PRXL2B: variants seen among roughly 807,000 people sequenced by gnomAD.
The protein encoded by PRXL2B is peroxiredoxin like 2B.
Under a neutral mutation model 24.4 loss-of-function variants are expected in PRXL2B, and 26 were observed. The observed-to-expected ratio is 1.07, with a 90% CI of 0.78 to 1.48. PRXL2B has a LOEUF of 1.48. Ranked by LOEUF, PRXL2B falls within the 40% of genes most tolerant of loss-of-function variation. The pLI, the probability that PRXL2B is intolerant of heterozygous loss-of-function variation, is 0.00. For missense variants in PRXL2B, 269 were observed against 264.8 expected, an observed-to-expected ratio of 1.02 and a Z score of -0.11; for synonymous variants, 115 against 118.9, an observed-to-expected ratio of 0.97 and a Z score of 0.21.
chr1:2,587,740 G>T lies in PRXL2B; in HGVS notation c.269-1G>T. ...ACACACATGTGGCTTCCGCTTTCCA[G>T]AGCTCTACCTGGATGAGAGCAAGCA... On this transcript the variant is annotated splice_acceptor_variant, in intron 2 of 6. Coordinates refer to ENST00000419916, the MANE Select transcript of PRXL2B (RefSeq NM_152371.5). LOFTEE classifies it high-confidence loss of function. This position sits in a 1 kb window ranked among gnomAD's most constrained non-coding sequence, Gnocchi z 6.1. The T allele has an allele frequency of 6.2e-7, 1 of 1,602,052 alleles. No homozygotes were observed. Among genetic ancestry groups the T allele is most frequent in the South Asian group, 1.1e-5 (1 of 88,814 alleles).
In PRXL2B at chr1:2,590,335, CCCT is replaced by C. The variant is rs1186347978; in HGVS notation, c.*913_*915del. 1 of 152,412 alleles carries C rather than the reference CCCT, an allele frequency of 6.6e-6. No homozygotes were observed. Among genetic ancestry groups the C allele is most frequent in the Non-Finnish European group, 1.5e-5 (1 of 68,072 alleles). The allele number at this position is 152,412 out of a possible 1,614,324, so 9.4% of individuals were successfully genotyped here. ...CCCACTGCGTCCCTTTGCGTTCAGC[CCCT>C]CCTCTGGCTTTCAGTTACACCAAGC... On this transcript the variant is annotated 3_prime_UTR_variant, in exon 7 of 7. Coordinates refer to ENST00000419916, the MANE Select transcript of PRXL2B (RefSeq NM_152371.5).
Position 2,588,996 on chromosome 1 carries a change from G to A in PRXL2B, c.535G>A (p.Val179Ile), listed in dbSNP as rs1475459013. 7.4e-6 allele frequency: 12 copies of A among 1,613,308 alleles called. No individual in the cohort carries two copies. Among genetic ancestry groups the A allele is most frequent in the Non-Finnish European group, 9.3e-6 (11 of 1,179,988 alleles). ...DYVPKEHILQ[V>I]LGISAEVCAS... The stretch of plus-strand genomic sequence containing the variant: ...CGTCCCCAAGGAGCACATCCTGCAG[G>A]TCCTGGGCATCTCTGCGGAGGTCTG... The change falls in exon 6 of 7, where the codon GTC (valine) becomes ATC (isoleucine). Residue 179 changes from valine to isoleucine, a missense_variant. Transcript: ENST00000419916.
At position 2,591,341 on chromosome 1, in the gene PRXL2B, G is replaced by C. The variant is rs1158101910; in HGVS notation, c.*1914G>C. On this transcript the variant is annotated 3_prime_UTR_variant, in exon 7 of 7. Coordinates refer to ENST00000419916, the MANE Select transcript of PRXL2B (RefSeq NM_152371.5). ...TCTCCTTCACACAGAAACATTCGCA[G>C]CCTGCGGTAGGCTCCCCCTTCCTAA... The C allele has an allele frequency of 3.3e-6, 2 of 599,708 alleles. No individual in the cohort carries two copies. The highest frequency in any genetic ancestry group is 2.8e-5 in the East Asian group (1 of 35,992). The allele number at this position is 599,708 out of a possible 1,614,324, so 37.1% of individuals were successfully genotyped here. A position where few individuals can be genotyped will look rare whatever the true frequency, so the allele number is the denominator to read the frequency against.
chr1:2,587,903 C>A lies in PRXL2B; in HGVS notation c.320+111C>A. The A allele has an allele frequency of 7.9e-7, 1 of 1,271,488 alleles. No individual in the cohort carries two copies. The highest frequency in any genetic ancestry group is 1.5e-5 in the African/African-American group (1 of 67,274). 78.8% of individuals were successfully genotyped at this position (1,271,488 alleles called of 1,614,324 possible). ...CCCTCTGTGGTGCTGTCCACTCGGGCCTTCCTGGGCAAGGCGGCTCTGGTG... is the reference window on the plus strand; with the variant it reads ...CCCTCTGTGGTGCTGTCCACTCGGGACTTCCTGGGCAAGGCGGCTCTGGTG... On this transcript the variant is annotated intron_variant, in intron 3 of 6. Transcript: ENST00000419916. This position sits in a 1 kb window ranked among gnomAD's most constrained non-coding sequence, Gnocchi z 6.1.
In PRXL2B at chr1:2,589,636, G is replaced by A. The variant is rs1002812143; in HGVS notation, c.*209G>A. On this transcript the variant is annotated 3_prime_UTR_variant, in exon 7 of 7. Transcript: ENST00000419916. ...GAGCCCTGCATCCTCCACAGCCCCC[G>A]CCTTGCTCACTGTTGGGCCCTCAGG... 6 of 669,588 alleles carry A rather than the reference G, an allele frequency of 9.0e-6. No homozygotes were observed. Among genetic ancestry groups the A allele is most frequent in the Non-Finnish European group, 1.5e-5 (6 of 394,486 alleles). The allele number at this position is 669,588 out of a possible 1,614,324, so 41.5% of individuals were successfully genotyped here.
Position 2,588,595 on chromosome 1 carries a change from C to G in PRXL2B, c.430C>G (p.Gln144Glu). The G allele has an allele frequency of 1.2e-6, 2 of 1,614,120 alleles. No homozygotes were observed. Among genetic ancestry groups the G allele is most frequent in the Non-Finnish European group, 1.7e-6 (2 of 1,180,006 alleles). The change falls in exon 5 of 7, where the codon CAG (glutamine) becomes GAG (glutamate). Residue 144 changes from glutamine to glutamate, a missense_variant. Transcript: ENST00000419916. ...IQGNLSGDLL[Q>E]SGGLLVVSKG... The stretch of plus-strand genomic sequence containing the variant: ...GGGGAACTTGTCTGGGGACCTGCTG[C>G]AGAGCGGAGGGCTGCTGGTGGTCAG...
At chr1:2,588,756 C>T (rs935415353) in intron 5 of PRXL2B, 131 bp downstream of exon 5, 24 of 1,225,266 alleles carry the variant, frequency 2.0e-5, no homozygotes, top group African/African-American at 1.5e-4. Flanking sequence ...CCTGGTTCTG[C>T]GTGTCTGCTG....
At chr1:2,586,624 A>C, upstream of PRXL2B, 1 of 794,986 alleles carries the variant, frequency 1.3e-6, no homozygotes, top group Non-Finnish European at 1.7e-6. Flanking sequence ...ACTAGGGGCG[A>C]ATCCGAGGGG....
At position 2,589,558 on chromosome 1, in the gene PRXL2B, G is replaced by C; in HGVS notation, c.*131G>C. Reference sequence around the variant, plus strand: ...CCGAACCTCTCCTGATCCGCCGGCAGCAACGAGCCATTAAAACTGCAGTTC... The same window carrying C: ...CCGAACCTCTCCTGATCCGCCGGCACCAACGAGCCATTAAAACTGCAGTTC... On this transcript the variant is annotated 3_prime_UTR_variant, in exon 7 of 7. Transcript: ENST00000419916. 1 of 1,318,340 alleles carries C rather than the reference G, an allele frequency of 7.6e-7. No homozygotes were observed. The highest frequency in any genetic ancestry group is 1.1e-6 in the Non-Finnish European group (1 of 947,760). The allele number at this position is 1,318,340 out of a possible 1,614,324, so 81.7% of individuals were successfully genotyped here.
At chr1:2,588,282 G>C in intron 3 of PRXL2B, 108 bp from the exon 4 acceptor site, 1 of 1,414,018 alleles carries the variant, frequency 7.1e-7, no homozygotes, top group South Asian at 1.2e-5. Flanking sequence ...CTGGTGAGGC[G>C]GGTGGGTGGG....
At position 2,588,928 on chromosome 1, in the gene PRXL2B, A is replaced by G. The variant is rs1644602042; in HGVS notation, c.467A>G (p.Asp156Gly). ...TGCCTGCCCGCTGCTACAGGTGGTG[A>G]TAAAGTGCTCCTGCATTTCGTCCAG... ...GGLLVVSKGG[D>G]KVLLHFVQKS... The change falls in exon 6 of 7, where the codon GAT becomes GGT. Residue 156 changes from aspartate (D) to glycine (G), a missense_variant. Asp to Gly is a moderately conservative substitution (Grantham distance 94). Transcript: ENST00000419916. The G allele has an allele frequency of 9.3e-6, 15 of 1,613,208 alleles. No individual in the cohort carries two copies. The highest frequency in any genetic ancestry group is 1.3e-5 in the Non-Finnish European group (15 of 1,179,956).
At chr1:2,586,710 G>A (rs1367742157), upstream of PRXL2B, 23 of 1,234,964 alleles carry the variant, frequency 1.9e-5, no homozygotes, top group Non-Finnish European at 2.2e-5. Context: ...GGCCCGGGGC[G>A]GAGACGAGCC....
intron 5 of PRXL2B, 96 bp from the exon 6 acceptor site, chr1:2,588,826 G>A: frequency 1.5e-6 from 2 of 1,318,188 alleles, no homozygotes; most frequent in East Asian, 2.3e-5. Context: ...GGGGGATATG[G>A]CTGGCCAGGG....
At position 2,588,611 on chromosome 1, in the gene PRXL2B, T is replaced by C; in HGVS notation, c.446T>C (p.Leu149Pro). ...GACCTGCTGCAGAGCGGAGGGCTGCTGGTGGTCAGCAAAGGTGGGTCGAGG... is the reference window on the plus strand; with the variant it reads ...GACCTGCTGCAGAGCGGAGGGCTGCCGGTGGTCAGCAAAGGTGGGTCGAGG... ...SGDLLQSGGL[L>P]VVSKGGDKVL... The change falls in exon 5 of 7, where the codon CTG (leucine) becomes CCG (proline). Residue 149 changes from leucine (L) to proline (P), a missense_variant. Transcript: ENST00000419916. 1.2e-6 allele frequency: 2 copies of C among 1,614,008 alleles called. No individual in the cohort carries two copies. The highest frequency in any genetic ancestry group is 8.5e-7 in the Non-Finnish European group (1 of 1,179,962).
In PRXL2B at chr1:2,586,895, G is replaced by T; in HGVS notation, c.10G>T (p.Val4Leu). 1 of 1,310,620 alleles carries T rather than the reference G, an allele frequency of 7.6e-7. No homozygotes were observed. 81.2% of individuals were successfully genotyped at this position (1,310,620 alleles called of 1,614,324 possible). The change falls in exon 1 of 7, where the codon GTG becomes TTG. Residue 4 changes from valine to leucine, a missense_variant. Physicochemically the swap from Val to Leu is conservative, Grantham distance 32. Transcript: ENST00000419916. Reference protein sequence around the residue: MSTVDLARVGACIL... With the variant: MSTLDLARVGACIL... ...GCTGGCAGCGGCCGCCATGAGCACG[G>T]TGGACCTTGCTCGCGTGGGCGCGTG...
In PRXL2B at chr1:2,587,731, C is replaced by T. The variant is rs750625258; in HGVS notation, c.269-10C>T. The T allele has an allele frequency of 1.1e-5, 17 of 1,599,008 alleles. No homozygotes were observed. The East Asian group carries it at 2.5e-4, about 23-fold the overall frequency. ...GCCTGGGGCACACACATGTGGCTTC[C>T]GCTTTCCAGAGCTCTACCTGGATGA... is the stretch of plus-strand genomic sequence containing the variant. On this transcript the variant is annotated splice_polypyrimidine_tract_variant and intron_variant, in intron 2 of 6. Coordinates refer to ENST00000419916, the MANE Select transcript of PRXL2B (RefSeq NM_152371.5). This position sits in a 1 kb window ranked among gnomAD's most constrained non-coding sequence, Gnocchi z 6.1.
At chr1:2,586,972 G>C in intron 1 of PRXL2B, 24 bp downstream of exon 1, 1 of 1,317,446 alleles carries the variant, frequency 7.6e-7, no homozygotes, top group East Asian at 3.0e-5. Context: ...GACGCAGGGC[G>C]GTGGGCGCGT....
chr1:2,591,414 G>A lies in PRXL2B; in HGVS notation c.*1987G>A, dbSNP rs547414101. ...TAAGAGAATGTCCCTGACCGAAATCGGCCAGAAGCCCCTCTCAGGTTTATT... is the reference window on the plus strand; with the variant it reads ...TAAGAGAATGTCCCTGACCGAAATCAGCCAGAAGCCCCTCTCAGGTTTATT... On this transcript the variant is annotated 3_prime_UTR_variant, in exon 7 of 7. Transcript: ENST00000419916. 1.9e-3 allele frequency: 1,314 copies of A among 704,702 alleles called. 5 individuals are homozygous for A. Among genetic ancestry groups the A allele is most frequent in the Non-Finnish European group, 2.4e-3 (981 of 402,552 alleles). The allele number at this position is 704,702 out of a possible 1,614,324, so 43.7% of individuals were successfully genotyped here.
At chr1:2,586,644 G>A (rs1387649552), upstream of PRXL2B, 4 of 968,144 alleles carry the variant, frequency 4.1e-6, no homozygotes, top group East Asian at 1.3e-4. Context: ...GGCGGAGCAG[G>A]GCTCGGGGTG....
Sources: gnomAD v4.1 joint callset for allele counts on GRCh38, gnomAD v4.1.1 for gene constraint, Gnocchi (gnomAD v3.1) non-coding constraint, MANE v1.5 for transcripts, NCBI Gene and HGNC (gene_info 2026-07-23, HGNC 2026-07-21) for gene names.